The following ZYG11B variants were observed in gnomAD, a reference collection of about 807,000 sequenced individuals.
ZYG11B encodes protein zyg-11 homolog B.
Under a neutral mutation model 82.4 loss-of-function variants are expected in ZYG11B, and 36 were observed. The observed-to-expected ratio is 0.44, with a 90% CI of 0.33 to 0.58. ZYG11B has a LOEUF of 0.58. ZYG11B is among the 20% of genes least tolerant of loss of function. The pLI, the probability that ZYG11B is intolerant of heterozygous loss-of-function variation, is 0.02. For missense variants in ZYG11B, 552 were observed against 895.6 expected (o/e 0.62, Z 4.90); for synonymous variants, 303 against 312.8 (o/e 0.97, Z 0.33).
At chr1:52,783,873 CGT>C (rs1361010950) in intron 4 of ZYG11B, among the ~76,000 whole-genome samples, 6 of 99,850 alleles carry the variant, frequency 6.0e-5, no homozygotes, top group Non-Finnish European at 9.3e-5. Flanking sequence ...TGTACATACA[CGT>C]GTGTGTATAT....
chr1:52,802,697 G>C (rs1349849479), intron 10 of ZYG11B, among the ~76,000 whole-genome samples: 1 of 151,522 alleles, frequency 6.6e-6, no homozygotes, highest in Non-Finnish European at 1.5e-5. Flanking sequence ...AAAAGAAAGA[G>C]AGAGAGAGAG....
At chr1:52,782,793 A>C (rs944362030) in intron 4 of ZYG11B, among the ~76,000 whole-genome samples, 1 of 151,460 alleles carries the variant, frequency 6.6e-6, no homozygotes, top group Non-Finnish European at 1.5e-5. Flanking sequence ...AATTTTAAAA[A>C]AATTTTTTGT....
chr1:52,803,771 T>C (rs563520117), intron 10 of ZYG11B, among the ~76,000 whole-genome samples: 228 of 152,204 alleles, frequency 1.5e-3, no homozygotes, highest in Non-Finnish European at 2.5e-3. Flanking sequence ...CCAGCTTATT[T>C]GTTTATTTAT....
At chr1:52,744,677 C>T (rs1381575860) in intron 1 of ZYG11B, among the ~76,000 whole-genome samples, 1 of 152,156 alleles carries the variant, frequency 6.6e-6, no homozygotes, top group South Asian at 2.1e-4. Flanking sequence ...CCCGTCTCTA[C>T]TAAAAATACA....
At chr1:52,747,774 G>C (rs1644489243) in intron 1 of ZYG11B, among the ~76,000 whole-genome samples, 1 of 152,170 alleles carries the variant, frequency 6.6e-6, no homozygotes, top group Non-Finnish European at 1.5e-5. Flanking sequence ...ATAAAGGGCA[G>C]TGTATGTAGT....
intron 4 of ZYG11B, among the ~76,000 whole-genome samples, chr1:52,783,435 A>G (rs967654165): frequency 6.6e-6 from 1 of 152,050 alleles, no homozygotes; most frequent in African/African-American, 2.4e-5. Context: ...TCAGTAGACA[A>G]GAAAATAATT....
At chr1:52,808,967 G>A (rs750775327) in intron 10 of ZYG11B, among the ~76,000 whole-genome samples, 11 of 151,566 alleles carry the variant, frequency 7.3e-5, no homozygotes, top group Non-Finnish European at 1.0e-4. Context: ...TGTATCTTCC[G>A]TGTTACTACT....
chr1:52,797,427 TTA>T (rs1308203643), intron 8 of ZYG11B, among the ~76,000 whole-genome samples: 67 of 95,960 alleles, frequency 7.0e-4, no homozygotes, highest in South Asian at 9.3e-4. Context: ...ATTATACATA[TTA>T]TATATAACAT....
intron 10 of ZYG11B, 69 bp downstream of exon 10, chr1:52,802,208 A>G (rs1645080591): frequency 6.7e-7 from 1 of 1,503,436 alleles, no homozygotes; most frequent in African/African-American, 1.4e-5. Flanking sequence ...ACACATTGAA[A>G]GTTGCAGCTC....
rs1449715405 is a variant in ZYG11B, at chr1:52,731,799, TTTTA to T, written c.30+5132_30+5135del. On this transcript the variant is annotated intron_variant, in intron 1 of 13. Coordinates refer to ENST00000294353, the MANE Select transcript of ZYG11B (RefSeq NM_024646.3). Reference sequence around the variant, plus strand: ...ATGGTTAAGCAGCAACACTAATAGCTTTTATTTATTTATTTATTTTTGAGACAGG... The same window carrying T: ...ATGGTTAAGCAGCAACACTAATAGCTTTTATTTATTTATTTTTGAGACAGG... Among the ~76,000 whole-genome samples the T allele has an allele frequency of 3.9e-5, 6 of 152,262 alleles. No homozygotes were observed. The South Asian group carries it at 8.3e-4, about 21-fold the overall frequency.
Position 52,783,997 on chromosome 1 carries a change from T to TAGAGAGAGAGAG in ZYG11B, c.1093-876_1093-865dup, listed in dbSNP as rs60838674. Among the ~76,000 whole-genome samples the TAGAGAGAGAGAG allele has an allele frequency of 2.7e-3, 390 of 142,416 alleles. 11 individuals carry two copies. The East Asian group carries it at 0.069, about 25-fold the overall frequency. The allele number at this position is 142,416 out of a possible 152,430, so 93.4% of individuals were successfully genotyped here. A position where few individuals can be genotyped will look rare whatever the true frequency, so the allele number is the denominator to read the frequency against. On this transcript the variant is annotated intron_variant, in intron 4 of 13. Coordinates refer to ENST00000294353, the MANE Select transcript of ZYG11B (RefSeq NM_024646.3). ...ACACACACACACACATATATATATA[T>TAGAGAGAGAGAG]AGAGAGAGAGAGAGATGGAGTTTCA...
chr1:52,817,777 G>GTGTGTGTGTATATA (rs1352242565), intron 13 of ZYG11B, among the ~76,000 whole-genome samples: 2 of 41,542 alleles, frequency 4.8e-5, no homozygotes, highest in African/African-American at 1.2e-4. Context: ...ATATATATGT[G>GTGTGTGTGTATATA]TATATATATA....
chr1:52,818,724 A>C (rs1306455148), intron 13 of ZYG11B, among the ~76,000 whole-genome samples: 1 of 151,840 alleles, frequency 6.6e-6, no homozygotes, highest in African/African-American at 2.4e-5. Context: ...CTTATATAGG[A>C]TATGTGAGAG....
At chr1:52,781,367 C>T (rs1644854249) in intron 4 of ZYG11B, among the ~76,000 whole-genome samples, 1 of 152,096 alleles carries the variant, frequency 6.6e-6, no homozygotes, top group African/African-American at 2.4e-5. Flanking sequence ...GCTGTGGTGG[C>T]ACGCACCTGT....
chr1:52,821,369 G>T, intron 13 of ZYG11B, 70 bp from the exon 14 acceptor site: 2 of 1,461,934 alleles, frequency 1.4e-6, no homozygotes, highest in Non-Finnish European at 1.8e-6. Context: ...ATTTTTTTGT[G>T]GAATAATTTT....
intron 10 of ZYG11B, among the ~76,000 whole-genome samples, chr1:52,808,183 C>T (rs1288885914): frequency 2.0e-5 from 3 of 151,944 alleles, no homozygotes; most frequent in Non-Finnish European, 2.9e-5. Flanking sequence ...GCCAACATGG[C>T]GAAACTCCAT....
Position 52,768,337 on chromosome 1 carries a change from C to T in ZYG11B, c.197-2683C>T, listed in dbSNP as rs115308760. On this transcript the variant is annotated intron_variant, in intron 2 of 13. Transcript: ENST00000294353. Reference sequence around the variant, plus strand: ...TGCGTTGTTCCATGGGTCCCAAGGTCCCCCCTAGCTGATCTGCTTTCATCT... The same window carrying T: ...TGCGTTGTTCCATGGGTCCCAAGGTTCCCCCTAGCTGATCTGCTTTCATCT... 2.5e-3 allele frequency among the ~76,000 whole-genome samples: 382 copies of T among 152,178 alleles called. 2 individuals carry two copies. Among genetic ancestry groups the T allele is most frequent in the African/African-American group, 8.8e-3 (367 of 41,540 alleles).
At chr1:52,730,842 TAA>T (rs111735830) in intron 1 of ZYG11B, among the ~76,000 whole-genome samples, 15 of 119,296 alleles carry the variant, frequency 1.3e-4, no homozygotes, top group Admixed American at 1.7e-4. Flanking sequence ...GAGACCTCAT[TAA>T]AAAAAAAAAA....
intron 1 of ZYG11B, among the ~76,000 whole-genome samples, chr1:52,755,154 G>T (rs1463314275): frequency 6.6e-6 from 1 of 151,818 alleles, no homozygotes; most frequent in Admixed American, 6.6e-5. Context: ...GTAGAGATGG[G>T]ATTTGACCGT....
Sources: allele counts gnomAD v4.1 joint callset (sites outside exome capture counted in the v4.1 genomes callset), GRCh38; gene constraint gnomAD v4.1.1; transcripts MANE v1.5; gene names NCBI Gene and HGNC (gene_info 2026-07-23, HGNC 2026-07-21).